Variants in TEX14 observed in about 807,000 individuals in gnomAD.
TEX14 encodes inactive serine/threonine-protein kinase TEX14.
TEX14 carries 168 observed loss-of-function variants against 178.6 expected under a neutral mutation model. The ratio of observed to expected loss-of-function variants is 0.94; its 90% CI spans 0.83 to 1.07. The LOEUF (loss-of-function observed/expected upper bound fraction) is 1.07, where lower values mean the gene tolerates loss of function less well. Among genes scored for constraint, TEX14 ranks in the 50% least tolerant of loss-of-function variants. The pLI is 0.00. For synonymous variants in TEX14, 626 were observed against 634.1 expected (o/e 0.99, Z 0.19); for missense variants, 1,730 against 1,753.6 (o/e 0.99, Z 0.24).
chr17:58,573,077 T>C (rs561099050), intron 23 of TEX14, 104 bp downstream of exon 23: 10 of 1,495,112 alleles, frequency 6.7e-6, no homozygotes, highest in Admixed American at 2.0e-5. Context: ...CTTTGCACTA[T>C]GACAACACAG....
chr17:58,673,810 C>T (rs745634198), intron 1 of TEX14, among the ~76,000 whole-genome samples: 7 of 152,074 alleles, frequency 4.6e-5, no homozygotes, highest in Admixed American at 2.6e-4. Context: ...TTGGCTCAGG[C>T]GATCCTCCCA....
chr17:58,680,558 A>G (rs754616074), intron 1 of TEX14, among the ~76,000 whole-genome samples: 4 of 152,138 alleles, frequency 2.6e-5, no homozygotes, highest in South Asian at 2.1e-4. Context: ...CCTGGCCAAC[A>G]TGGTAAAACC....
chr17:58,626,741 C>A (rs944481019), intron 3 of TEX14, among the ~76,000 whole-genome samples: 1 of 151,626 alleles, frequency 6.6e-6, no homozygotes. Context: ...TGTGGTGGCA[C>A]GCGCCTGTAG....
Position 58,616,123 on chromosome 17 carries a change from CA to C in TEX14, c.767+51del. On this transcript the variant is annotated intron_variant, in intron 7 of 31. Coordinates refer to ENST00000349033, the MANE Select transcript of TEX14 (RefSeq NM_031272.5). ...ACACATAAGGAAGTCACATGCAGCC[CA>C]CTCTTCCCCTGAAACTGAATCAGAC... 3 of 1,567,142 alleles carry C rather than the reference CA, an allele frequency of 1.9e-6. No individual in the cohort carries two copies. In the Admixed American group the frequency reaches 5.6e-5, roughly 29 times the overall value.
At chr17:58,616,433 T>G in intron 6 of TEX14, 128 bp from the exon 7 acceptor site, 2 of 1,121,454 alleles carry the variant, frequency 1.8e-6, no homozygotes, top group Non-Finnish European at 2.4e-6. Context: ...CCCTATGCAC[T>G]GGGCCTTTTT....
intron 19 of TEX14, among the ~76,000 whole-genome samples, chr17:58,580,891 C>G (rs532052287): frequency 6.6e-5 from 10 of 152,204 alleles, no homozygotes; most frequent in Admixed American, 2.0e-4. Flanking sequence ...CCTGGCTCTC[C>G]CATCACTAAA....
chr17:58,588,825 G>A (rs2045046284), intron 15 of TEX14, among the ~76,000 whole-genome samples: 1 of 152,120 alleles, frequency 6.6e-6, no homozygotes, highest in Middle Eastern at 3.2e-3. Flanking sequence ...AGCTACTTGG[G>A]AGGCTAAGGC....
intron 27 of TEX14, 64 bp downstream of exon 27, chr17:58,565,683 C>T (rs2044381967): frequency 8.3e-7 from 1 of 1,210,862 alleles, no homozygotes; most frequent in Non-Finnish European, 1.2e-6. Context: ...CCTATATGTA[C>T]CACTGTGTTG....
intron 21 of TEX14, 95 bp downstream of exon 21, chr17:58,577,280 A>G: frequency 2.0e-6 from 1 of 498,812 alleles, no homozygotes; most frequent in Non-Finnish European, 3.3e-6. Flanking sequence ...TAGCTAATAC[A>G]TCTGAAGACA....
chr17:58,659,988 C>T (rs988745857), intron 1 of TEX14, among the ~76,000 whole-genome samples: 1 of 151,536 alleles, frequency 6.6e-6, no homozygotes, highest in Non-Finnish European at 1.5e-5. Flanking sequence ...TAAGCCACCG[C>T]GCCTGGCCCT....
intron 1 of TEX14, among the ~76,000 whole-genome samples, chr17:58,689,842 A>G (rs941982808): frequency 1.3e-5 from 2 of 149,690 alleles, no homozygotes; most frequent in Admixed American, 1.3e-4. Context: ...GGCAAGGGCC[A>G]GAAGATTTTT....
chr17:58,613,038 C>T (rs2045783639), intron 9 of TEX14, among the ~76,000 whole-genome samples: 1 of 151,990 alleles, frequency 6.6e-6, no homozygotes, highest in Non-Finnish European at 1.5e-5. Context: ...CTCATCTCTA[C>T]TAAAAATACA....
chr17:58,579,399 G>A (rs1199263650), intron 20 of TEX14, among the ~76,000 whole-genome samples: 2 of 152,160 alleles, frequency 1.3e-5, no homozygotes, highest in Non-Finnish European at 2.9e-5. Context: ...ACCAAAGGGG[G>A]AAAAAGCAGT....
At chr17:58,629,547 G>A (rs1036552966) in intron 3 of TEX14, among the ~76,000 whole-genome samples, 34 of 150,062 alleles carry the variant, frequency 2.3e-4, no homozygotes, top group African/African-American at 7.3e-4. Flanking sequence ...ACTATTGGCC[G>A]GGCACGGTGG....
At chr17:58,652,096 C>T (rs2046851433) in intron 1 of TEX14, 94 bp from the exon 2 acceptor site, 2 of 942,734 alleles carry the variant, frequency 2.1e-6, no homozygotes, top group Non-Finnish European at 3.0e-6. Context: ...TGTCCAGCCA[C>T]CTTCATTAAT....
At chr17:58,593,431 A>G in intron 15 of TEX14, 124 bp downstream of exon 15, 1 of 741,078 alleles carries the variant, frequency 1.3e-6, no homozygotes, top group Non-Finnish European at 2.3e-6. Context: ...GCCAATCTGC[A>G]TTACTCTTCT....
At chr17:58,613,649 C>A in intron 8 of TEX14, 105 bp from the exon 9 acceptor site, 1 of 1,216,746 alleles carries the variant, frequency 8.2e-7, no homozygotes, top group Non-Finnish European at 1.2e-6. Flanking sequence ...CATTTGTATA[C>A]GATGTTTTCT....
chr17:58,598,436 C>G lies in TEX14; in HGVS notation c.2469+440G>C, dbSNP rs143780860. ...TGGAGATTAATACCTATCCAAGATA[C>G]TTTATTCAATAAGTTGAGCCATGCA... On this transcript the variant is annotated intron_variant, in intron 14 of 31. Transcript: ENST00000349033. Among the ~76,000 whole-genome samples, 738 of 152,082 alleles carry G rather than the reference C, an allele frequency of 4.9e-3. 2 individuals are homozygous for G. Among genetic ancestry groups the G allele is most frequent in the African/African-American group, 0.017 (717 of 41,494 alleles).
intron 28 of TEX14, 82 bp from the exon 29 acceptor site, chr17:58,561,694 G>C: frequency 1.1e-6 from 1 of 901,996 alleles, no homozygotes; most frequent in Admixed American, 2.0e-5. Flanking sequence ...CTTTAGAGTA[G>C]AAAGGGACCT....
Sources: allele counts gnomAD v4.1 joint callset (sites outside exome capture counted in the v4.1 genomes callset), GRCh38; gene constraint gnomAD v4.1.1; transcripts MANE v1.5; gene names NCBI Gene and HGNC (gene_info 2026-07-23, HGNC 2026-07-21).